The following TMEM132D variants were observed in gnomAD, a reference collection of about 807,000 sequenced individuals.
The protein encoded by TMEM132D is transmembrane protein 132D.
In TMEM132D, 21 loss-of-function variants were observed where a neutral mutation model predicts 62.3. The observed-to-expected ratio is 0.34, with a 90% CI of 0.24 to 0.49. The LOEUF (loss-of-function observed/expected upper bound fraction) is 0.49, where lower values mean the gene tolerates loss of function less well. Ranked by LOEUF, TMEM132D falls within the 20% of genes least tolerant of loss-of-function variation. TMEM132D has a pLI of 0.99. For synonymous variants in TMEM132D, 621 were observed against 575.6 expected (o/e 1.08, Z -1.13); for missense variants, 1,346 against 1,402.8 (o/e 0.96, Z 0.65).
intron 2 of TMEM132D, among the ~76,000 whole-genome samples, chr12:129,663,021 G>C (rs1880281026): frequency 6.6e-6 from 1 of 152,174 alleles, no homozygotes; most frequent in Non-Finnish European, 1.5e-5. Context: ...ACACTATTTA[G>C]ATTCTGACTT....
At chr12:129,539,467 C>T (rs1388612615) in intron 2 of TMEM132D, among the ~76,000 whole-genome samples, 10 of 149,326 alleles carry the variant, frequency 6.7e-5, no homozygotes, top group Non-Finnish European at 1.3e-4. Flanking sequence ...TGCAATGGCG[C>T]GATCTCAGCT....
At chr12:129,876,312 T>C (rs1874416125) in intron 1 of TMEM132D, among the ~76,000 whole-genome samples, 1 of 152,220 alleles carries the variant, frequency 6.6e-6, no homozygotes, top group Non-Finnish European at 1.5e-5. Context: ...TGCCATCGTT[T>C]TGTTGATCCT....
At chr12:129,766,911 C>T (rs1333128873) in intron 1 of TMEM132D, among the ~76,000 whole-genome samples, 2 of 152,112 alleles carry the variant, frequency 1.3e-5, no homozygotes, top group South Asian at 2.1e-4. Flanking sequence ...TGGCAACACC[C>T]GGAAGTTACC....
intron 5 of TMEM132D, among the ~76,000 whole-genome samples, chr12:129,173,912 G>A (rs1186596586): frequency 6.6e-6 from 1 of 152,156 alleles, no homozygotes; most frequent in Non-Finnish European, 1.5e-5. Flanking sequence ...AGGGTTTTCA[G>A]ATGTTCCGAA....
chr12:129,434,238 T>C (rs766713014), intron 3 of TMEM132D, among the ~76,000 whole-genome samples: 1 of 152,188 alleles, frequency 6.6e-6, no homozygotes, highest in Non-Finnish European at 1.5e-5. Context: ...CTCCCCCTAA[T>C]GAATGAGAAT....
At chr12:129,875,538 G>A (rs867046928) in intron 1 of TMEM132D, among the ~76,000 whole-genome samples, 1 of 152,102 alleles carries the variant, frequency 6.6e-6, no homozygotes, top group East Asian at 1.9e-4. Flanking sequence ...CATTTAGAGA[G>A]GATTTGTAGG....
intron 1 of TMEM132D, among the ~76,000 whole-genome samples, chr12:129,868,331 A>G (rs1156509128): frequency 6.6e-6 from 1 of 152,244 alleles, no homozygotes; most frequent in Non-Finnish European, 1.5e-5. Flanking sequence ...AAAGCCAATA[A>G]CTATATACTT....
intron 5 of TMEM132D, chr12:129,111,729 C>T (rs1022176062): frequency 1.3e-5 from 2 of 152,210 alleles, no homozygotes; most frequent in African/African-American, 4.8e-5. Context: ...AAAAGCCTAG[C>T]TTTGCCGGTT....
chr12:129,462,720 A>G (rs1873720307), intron 3 of TMEM132D, among the ~76,000 whole-genome samples: 2 of 152,360 alleles, frequency 1.3e-5, no homozygotes, highest in Admixed American at 6.5e-5. Flanking sequence ...AGTTTTGGCT[A>G]CCCTTGGGAT....
intron 1 of TMEM132D, among the ~76,000 whole-genome samples, chr12:129,900,866 A>G (rs1309473835): frequency 6.6e-6 from 1 of 152,188 alleles, no homozygotes; most frequent in Non-Finnish European, 1.5e-5. Flanking sequence ...GTCATACCAT[A>G]CTTCCTAGGT....
chr12:129,177,262 C>T (rs1373392324), intron 5 of TMEM132D, among the ~76,000 whole-genome samples: 1 of 152,264 alleles, frequency 6.6e-6, no homozygotes, highest in Admixed American at 6.5e-5. Context: ...TAATGAATGC[C>T]TAATGAGATA....
chr12:129,202,327 C>T (rs1185972922), intron 5 of TMEM132D, among the ~76,000 whole-genome samples: 2 of 152,188 alleles, frequency 1.3e-5, no homozygotes, highest in African/African-American at 4.8e-5. Flanking sequence ...ATGACACCAA[C>T]ACATCACACG....
intron 5 of TMEM132D, among the ~76,000 whole-genome samples, chr12:129,191,275 A>G (rs1593291126): frequency 7.1e-6 from 1 of 140,038 alleles, no homozygotes; most frequent in South Asian, 2.4e-4. Flanking sequence ...CCGAAAAGAC[A>G]CAGAGAAGGG....
intron 4 of TMEM132D, among the ~76,000 whole-genome samples, chr12:129,269,972 T>C (rs1172983543): frequency 2.6e-5 from 4 of 151,874 alleles, no homozygotes. Flanking sequence ...ATCTGATGGG[T>C]GAGTGACAGT....
At chr12:129,892,875 G>A (rs1402172747) in intron 1 of TMEM132D, among the ~76,000 whole-genome samples, 2 of 151,592 alleles carry the variant, frequency 1.3e-5, no homozygotes, top group African/African-American at 2.4e-5. Context: ...TAAGGACTCT[G>A]TTTGTTTGTT....
chr12:129,104,853 A>G (rs1237900653), intron 5 of TMEM132D, among the ~76,000 whole-genome samples: 1 of 142,016 alleles, frequency 7.0e-6, no homozygotes, highest in South Asian at 2.3e-4. Flanking sequence ...ATACCATCTT[A>G]CACCAGTTAG....
intron 5 of TMEM132D, among the ~76,000 whole-genome samples, chr12:129,204,279 A>C (rs1479623248): frequency 1.3e-5 from 2 of 152,240 alleles, no homozygotes; most frequent in Non-Finnish European, 2.9e-5. Flanking sequence ...AAGGAAATTA[A>C]GAATCACAAT....
intron 8 of TMEM132D, among the ~76,000 whole-genome samples, chr12:129,076,003 C>T (rs903074666): frequency 2.0e-5 from 3 of 152,130 alleles, no homozygotes; most frequent in East Asian, 1.9e-4. Flanking sequence ...TGACCCTGCC[C>T]GCTGGGCCAC....
In TMEM132D at chr12:129,209,683, CT is replaced by C; in HGVS notation, c.1300-21del. 6.2e-7 allele frequency: 1 copy of C among 1,613,648 alleles called. No individual in the cohort carries two copies. Among genetic ancestry groups the C allele is most frequent in the East Asian group, 2.2e-5 (1 of 44,862 alleles). ...TGCCTCCTGGAAGACCAAACACACC[CT>C]TCCATCACATCCCCTCCTGAGACGG... On this transcript the variant is annotated intron_variant, in intron 4 of 8. Coordinates refer to ENST00000422113, the MANE Select transcript of TMEM132D (RefSeq NM_133448.3).
Sources: gnomAD v4.1 joint callset for allele counts (sites outside exome capture counted in the v4.1 genomes callset) on GRCh38, gnomAD v4.1.1 for gene constraint, MANE v1.5 for transcripts, NCBI Gene and HGNC (gene_info 2026-07-23, HGNC 2026-07-21) for gene names.